Variants in CLCN3 observed in about 807,000 individuals in gnomAD.
The protein encoded by CLCN3 is Cl-/H+ antiporter 3.
Under a neutral mutation model 83.4 loss-of-function variants are expected in CLCN3, and 16 were observed. The ratio of observed to expected loss-of-function variants is 0.19; its 90% CI spans 0.13 to 0.29. The LOEUF (loss-of-function observed/expected upper bound fraction) is 0.29. Ranked by LOEUF, CLCN3 falls within the 10% of genes least tolerant of loss-of-function variation. The pLI is 1.00. For missense variants in CLCN3, 544 were observed against 1,006.0 expected (o/e 0.54, Z 6.21); for synonymous variants, 322 against 346.2 (o/e 0.93, Z 0.78).
At chr4:169,697,113 C>A in intron 8 of CLCN3, 76 bp from the exon 9 acceptor site, 1 of 1,044,578 alleles carries the variant, frequency 9.6e-7, no homozygotes, top group Non-Finnish European at 1.3e-6. Context: ...GGATATTTAC[C>A]ATTCAAGTTA....
At chr4:169,672,163 G>A (rs977906620) in intron 2 of CLCN3, among the ~76,000 whole-genome samples, 4 of 151,880 alleles carry the variant, frequency 2.6e-5, no homozygotes, top group Admixed American at 2.6e-4. Context: ...AGTGAGCCGA[G>A]ATCGCGCCAC....
At chr4:169,638,889 G>C (rs1730320441) in intron 2 of CLCN3, among the ~76,000 whole-genome samples, 1 of 152,186 alleles carries the variant, frequency 6.6e-6, no homozygotes, top group Non-Finnish European at 1.5e-5. Context: ...CTGATAACTG[G>C]CAAAGGGGAA....
intron 2 of CLCN3, among the ~76,000 whole-genome samples, chr4:169,678,707 A>G (rs1184629084): frequency 1.3e-5 from 2 of 152,298 alleles, no homozygotes; most frequent in East Asian, 1.9e-4. Context: ...TTGACATAGC[A>G]CATGTTTCAG....
In CLCN3 at chr4:169,722,046, C is replaced by T. The variant is rs1292493268; in HGVS notation, c.*2049C>T. 2.6e-5 allele frequency: 4 copies of T among 152,196 alleles called. No individual in the cohort carries two copies. The highest frequency in any genetic ancestry group is 4.8e-5 in the African/African-American group (2 of 41,438). The allele number at this position is 152,196 out of a possible 1,614,324, so 9.4% of individuals were successfully genotyped here. On this transcript the variant is annotated 3_prime_UTR_variant, in exon 13 of 13. Coordinates refer to ENST00000513761, the MANE Select transcript of CLCN3 (RefSeq NM_001829.4). ...GCTGCCCAGGCTGGTCTCAACTCCT[C>T]AGCTCAAGCAATCTGCCTGCGTGAG... is the stretch of plus-strand genomic sequence containing the variant.
chr4:169,721,747 A>G lies in CLCN3; in HGVS notation c.*1750A>G, dbSNP rs1173755606. 1.3e-5 allele frequency: 2 copies of G among 152,222 alleles called. No homozygotes were observed. The highest frequency in any genetic ancestry group is 2.9e-5 in the Non-Finnish European group (2 of 68,032). 9.4% of individuals were successfully genotyped at this position (152,222 alleles called of 1,614,324 possible). A position where few individuals can be genotyped will look rare whatever the true frequency, so the allele number is the denominator to read the frequency against. On this transcript the variant is annotated 3_prime_UTR_variant, in exon 13 of 13. Transcript: ENST00000513761. The stretch of plus-strand genomic sequence containing the variant: ...AATTGTCTGTTTTAATCACAGCCTT[A>G]ATTCACAATTGGCAAAGGCAGTTTA...
intron 9 of CLCN3, among the ~76,000 whole-genome samples, chr4:169,700,985 AATAAG>A (rs1281908428): frequency 2.6e-5 from 4 of 152,192 alleles, no homozygotes; most frequent in Admixed American, 1.3e-4. Context: ...CAATTCTTAA[AATAAG>A]ATAACAGTGA....
At chr4:169,709,677 C>CAA (rs80258467) in intron 11 of CLCN3, among the ~76,000 whole-genome samples, 11 of 129,304 alleles carry the variant, frequency 8.5e-5, no homozygotes, top group African/African-American at 2.0e-4. Flanking sequence ...AACCCTGTCT[C>CAA]AAAAAAAAAA....
chr4:169,719,466 A>AAAAT (rs901712469), intron 12 of CLCN3, among the ~76,000 whole-genome samples: 11 of 152,212 alleles, frequency 7.2e-5, no homozygotes, highest in Admixed American at 4.6e-4. Flanking sequence ...TCTGTCTCAA[A>AAAAT]AAATAAATAA....
At chr4:169,670,218 A>G (rs181778247) in intron 2 of CLCN3, among the ~76,000 whole-genome samples, 28 of 152,138 alleles carry the variant, frequency 1.8e-4, no homozygotes, top group Admixed American at 1.1e-3. Flanking sequence ...CCTGAATGGT[A>G]TTGCCTAGGT....
In CLCN3 at chr4:169,637,681, G is replaced by T. The variant is rs1730267187; in HGVS notation, c.160+1593G>T. On this transcript the variant is annotated intron_variant, in intron 2 of 12. Transcript: ENST00000513761. Reference sequence around the variant, plus strand: ...TTAACAAGTCTTCCCATACCTCAAGGTCACAAAGATATTCTCCTGTTTTGT... The same window carrying T: ...TTAACAAGTCTTCCCATACCTCAAGTTCACAAAGATATTCTCCTGTTTTGT... 4.0e-5 allele frequency among the ~76,000 whole-genome samples: 6 copies of T among 151,712 alleles called. 1 individual carries two copies. Among genetic ancestry groups the T allele is most frequent in the Admixed American group, 3.9e-4 (6 of 15,224 alleles).
chr4:169,623,504 C>T (rs1429719818), intron 1 of CLCN3, among the ~76,000 whole-genome samples: 1 of 152,114 alleles, frequency 6.6e-6, no homozygotes, highest in African/African-American at 2.4e-5. Flanking sequence ...ACCTACTTGC[C>T]ATTTGTTTGT....
chr4:169,629,683 T>G (rs1016018556), intron 1 of CLCN3, among the ~76,000 whole-genome samples: 1 of 152,230 alleles, frequency 6.6e-6, no homozygotes, highest in African/African-American at 2.4e-5. Context: ...ATGTGACATA[T>G]TTTGCTAACC....
Position 169,720,284 on chromosome 4 carries a change from A to G in CLCN3, c.*287A>G, listed in dbSNP as rs1733586372. 4.2e-6 allele frequency: 2 copies of G among 473,932 alleles called. No individual in the cohort carries two copies. 29.4% of individuals were successfully genotyped at this position (473,932 alleles called of 1,614,324 possible). A position where few individuals can be genotyped will look rare whatever the true frequency, so the allele number is the denominator to read the frequency against. On this transcript the variant is annotated 3_prime_UTR_variant, in exon 13 of 13. Coordinates refer to ENST00000513761, the MANE Select transcript of CLCN3 (RefSeq NM_001829.4). ...CTGCACTGGATGCATTCAGCTGAGGATGTGCCTGATAGTGCAGGCTTGCGC... is the reference window on the plus strand; with the variant it reads ...CTGCACTGGATGCATTCAGCTGAGGGTGTGCCTGATAGTGCAGGCTTGCGC...
intron 1 of CLCN3, among the ~76,000 whole-genome samples, chr4:169,633,560 T>C (rs1366217250): frequency 6.6e-6 from 1 of 152,238 alleles, no homozygotes; most frequent in African/African-American, 2.4e-5. Context: ...CCTTCTGTTA[T>C]ATGTCCTTTA....
intron 4 of CLCN3, 41 bp from the exon 5 acceptor site, chr4:169,689,002 A>T (rs762864241): frequency 6.3e-7 from 1 of 1,589,008 alleles, no homozygotes; most frequent in Admixed American, 1.8e-5. Flanking sequence ...CTCCCAAAAA[A>T]TTGACTTAAT....
intron 2 of CLCN3, among the ~76,000 whole-genome samples, chr4:169,676,818 G>A (rs544007705): frequency 3.9e-5 from 6 of 151,960 alleles, no homozygotes; most frequent in African/African-American, 1.4e-4. Flanking sequence ...TTTTCTAATA[G>A]CAATATAAAT....
chr4:169,693,356 T>C (rs2150251781), intron 7 of CLCN3, among the ~76,000 whole-genome samples: 1 of 152,318 alleles, frequency 6.6e-6, no homozygotes, highest in Non-Finnish European at 1.5e-5. Flanking sequence ...CATTATTGAT[T>C]ACTTTCTGTG....
At chr4:169,713,498 CCAAA>C (rs1733305062) in intron 12 of CLCN3, among the ~76,000 whole-genome samples, 2 of 152,102 alleles carry the variant, frequency 1.3e-5, no homozygotes, top group African/African-American at 4.8e-5. Flanking sequence ...CTGCTCTTTG[CCAAA>C]CAGTGACATT....
chr4:169,631,726 G>A (rs1188748324), intron 1 of CLCN3, among the ~76,000 whole-genome samples: 2 of 152,164 alleles, frequency 1.3e-5, no homozygotes, highest in African/African-American at 4.8e-5. Flanking sequence ...CACACAATCA[G>A]AAACAACAAA....
Sources: allele counts gnomAD v4.1 joint callset (sites outside exome capture counted in the v4.1 genomes callset), GRCh38; gene constraint gnomAD v4.1.1; transcripts MANE v1.5; gene names NCBI Gene and HGNC (gene_info 2026-07-23, HGNC 2026-07-21).